The following DNAH11 variants were observed in gnomAD, a reference collection of about 807,000 sequenced individuals.
DNAH11 encodes the protein axonemal beta dynein heavy chain 11.
Under a neutral mutation model 526.0 loss-of-function variants are expected in DNAH11, and 442 were observed. The observed-to-expected ratio is 0.84, with a 90% CI of 0.78 to 0.91. The LOEUF (loss-of-function observed/expected upper bound fraction) is 0.91. Among genes scored for constraint, DNAH11 ranks in the 40% least tolerant of loss-of-function variants. The pLI is 0.00. For synonymous variants in DNAH11, 2,461 were observed against 1,935.9 expected (o/e 1.27, Z -7.12); for missense variants, 6,989 against 5,448.7 (o/e 1.28, Z -8.90).
At chr7:21,885,098 TA>T (rs36115410) in intron 76 of DNAH11, among the ~76,000 whole-genome samples, 33,449 of 141,480 alleles carry the variant, frequency 0.24, 4,213 homozygotes, top group Non-Finnish European at 0.28. Flanking sequence ...AACAAGATAG[TA>T]AAAAAAAAGA....
At position 21,808,013 on chromosome 7, in the gene DNAH11, G is replaced by A. The variant is rs991207165; in HGVS notation, c.10296G>A (p.Leu3432=). 3.2e-6 allele frequency: 5 copies of A among 1,578,562 alleles called. No homozygotes were observed. Among genetic ancestry groups the A allele is most frequent in the Non-Finnish European group, 3.5e-6 (4 of 1,156,382 alleles). The change falls in exon 63 of 82, where the codon CTG becomes CTA. Residue 3432 remains leucine (L), a synonymous_variant. Transcript: ENST00000409508. Reference sequence around the variant, plus strand: ...TCACAAGGCAGTATCGCCAGGAGCTGGTGCACTGCAAGTGGGTTCCCTTTC... The same window carrying A: ...TCACAAGGCAGTATCGCCAGGAGCTAGTGCACTGCAAGTGGGTTCCCTTTC... The part of the protein sequence containing the change: ...GPFTRQYRQE[L]VHCKWVPFLQ...
intron 76 of DNAH11, among the ~76,000 whole-genome samples, chr7:21,887,898 C>A (rs1235265384): frequency 1.3e-5 from 2 of 152,102 alleles, no homozygotes; most frequent in Admixed American, 6.5e-5. Context: ...AATTTAAACT[C>A]GTAATCAGAC....
intron 8 of DNAH11, among the ~76,000 whole-genome samples, chr7:21,574,687 C>A (rs149290802): frequency 6.6e-6 from 1 of 151,218 alleles, no homozygotes; most frequent in African/African-American, 2.4e-5. Flanking sequence ...CCTCAGCCTC[C>A]TGAGTAGCTG....
In DNAH11 at chr7:21,634,170, G is replaced by C. The variant is rs560259544; in HGVS notation, c.4501-1701G>C. 1.6e-4 allele frequency among the ~76,000 whole-genome samples: 24 copies of C among 152,324 alleles called. No homozygotes were observed. In the South Asian group the frequency reaches 4.8e-3, roughly 30 times the overall value. ...ATGACACTTATTATTGGTTTATTCA[G>C]TGTGAAGGACATTTATGCAAAGGTG... On this transcript the variant is annotated intron_variant, in intron 25 of 81. Coordinates refer to ENST00000409508, the MANE Select transcript of DNAH11 (RefSeq NM_001277115.2).
intron 2 of DNAH11, among the ~76,000 whole-genome samples, chr7:21,549,621 C>T (rs1287498941): frequency 2.0e-5 from 3 of 152,216 alleles, no homozygotes; most frequent in Non-Finnish European, 4.4e-5. Flanking sequence ...GAGCTGGATT[C>T]TCAATGGTGA....
At chr7:21,796,474 T>G (rs1788718393) in intron 61 of DNAH11, among the ~76,000 whole-genome samples, 1 of 151,972 alleles carries the variant, frequency 6.6e-6, no homozygotes. Context: ...CAAAAGAAAG[T>G]CAAGGAGAGA....
chr7:21,729,726 C>T, intron 45 of DNAH11, among the ~76,000 whole-genome samples: 1 of 80,526 alleles, frequency 1.2e-5, no homozygotes, highest in East Asian at 2.8e-4. Flanking sequence ...CCAGAACCAT[C>T]TGAGGTCTCA....
At chr7:21,559,904 C>A in intron 4 of DNAH11, 112 bp downstream of exon 4, 1 of 913,992 alleles carries the variant, frequency 1.1e-6, no homozygotes, top group Non-Finnish European at 1.6e-6. Context: ...TACTGGTCTG[C>A]CCTCTTTTCT....
intron 51 of DNAH11, among the ~76,000 whole-genome samples, chr7:21,747,531 G>A (rs1786203158): frequency 6.6e-6 from 1 of 152,092 alleles, no homozygotes; most frequent in Non-Finnish European, 1.5e-5. Context: ...ACATAATTAT[G>A]AACTATTTCT....
chr7:21,901,024 C>CAAGCAGGAACCATTGTTGA lies in DNAH11; in HGVS notation c.13323_13341dup (p.Ala4448SerfsTer6). ...TGCCATAGGCGCCCGCTGGGACACC[C>CAAGCAGGAACCATTGTTGA]AAGCAGGAACCATTGTTGAAGCCCG... On this transcript the variant is annotated frameshift_variant, in exon 82 of 82. Coordinates refer to ENST00000409508, the MANE Select transcript of DNAH11 (RefSeq NM_001277115.2). LOFTEE classifies it high-confidence loss of function. 1.2e-6 allele frequency: 2 copies of CAAGCAGGAACCATTGTTGA among 1,606,284 alleles called. No homozygotes were observed. The highest frequency in any genetic ancestry group is 1.3e-5 in the African/African-American group (1 of 74,784).
chr7:21,618,409 T>C (rs1420122823), intron 23 of DNAH11: 1 of 152,352 alleles, frequency 6.6e-6, no homozygotes, highest in African/African-American at 2.4e-5. Flanking sequence ...GGAAAGAAAA[T>C]GGCTTTCCTG....
chr7:21,782,711 A>T (rs1788001330), intron 57 of DNAH11, among the ~76,000 whole-genome samples: 1 of 152,166 alleles, frequency 6.6e-6, no homozygotes, highest in South Asian at 2.1e-4. Flanking sequence ...CAGCAGTTCA[A>T]GACCAGCCTG....
intron 79 of DNAH11, among the ~76,000 whole-genome samples, chr7:21,898,228 C>T (rs1784598205): frequency 6.6e-6 from 1 of 152,098 alleles, no homozygotes; most frequent in South Asian, 2.1e-4. Context: ...TCGCCTTTTT[C>T]CTTTGTGTGG....
At chr7:21,701,046 G>A (rs1007430337) in intron 36 of DNAH11, among the ~76,000 whole-genome samples, 6 of 152,020 alleles carry the variant, frequency 3.9e-5, no homozygotes, top group Admixed American at 6.6e-5. Flanking sequence ...ACCATGGTAC[G>A]TGTATACCTA....
At chr7:21,610,264 A>T (rs1210771929) in intron 20 of DNAH11, among the ~76,000 whole-genome samples, 1 of 152,154 alleles carries the variant, frequency 6.6e-6, no homozygotes, top group Non-Finnish European at 1.5e-5. Context: ...AAAAAAACAA[A>T]AACAAAACAG....
At chr7:21,812,244 T>G (rs1583723855) in intron 63 of DNAH11, among the ~76,000 whole-genome samples, 1 of 152,280 alleles carries the variant, frequency 6.6e-6, no homozygotes, top group East Asian at 1.9e-4. Flanking sequence ...TTGGAGATTG[T>G]ATATCTGGAG....
In DNAH11 at chr7:21,589,267, T is replaced by G. The variant is rs1784591318; in HGVS notation, c.2033T>G (p.Leu678Trp). ...VYQKYVEMTT[L>W]LDQFESRIYN... is the part of the protein sequence containing the mutation. ...CAAAAGTATGTTGAAATGACCACTT[T>G]GCTTGATCAATTTGAAAGTCGTATC... The change falls in exon 12 of 82, where the codon TTG becomes TGG. Residue 678 changes from leucine to tryptophan, a missense_variant. Transcript: ENST00000409508. 8.7e-6 allele frequency: 14 copies of G among 1,610,672 alleles called. No individual in the cohort carries two copies. The African/African-American group carries it at 1.3e-4, about 15-fold the overall frequency.
At chr7:21,843,060 G>T (rs966150363) in intron 66 of DNAH11, among the ~76,000 whole-genome samples, 1 of 152,182 alleles carries the variant, frequency 6.6e-6, no homozygotes, top group African/African-American at 2.4e-5. Context: ...GACTAATTTA[G>T]CCTGGGCTAA....
intron 2 of DNAH11, among the ~76,000 whole-genome samples, chr7:21,557,397 G>C (rs935087424): frequency 9.2e-5 from 14 of 152,146 alleles, no homozygotes; most frequent in Non-Finnish European, 1.5e-4. Flanking sequence ...ATTTCTCACA[G>C]TTCTGGAGCT....
Sources: gnomAD v4.1 joint callset for allele counts (sites outside exome capture counted in the v4.1 genomes callset) on GRCh38, gnomAD v4.1.1 for gene constraint, MANE v1.5 for transcripts, NCBI Gene and HGNC (gene_info 2026-07-23, HGNC 2026-07-21) for gene names.